The following SLC1A5 variants were observed in gnomAD, a reference collection of about 807,000 sequenced individuals.
The protein encoded by SLC1A5 is neutral amino acid transporter B(0).
A neutral mutation model predicts 34.9 loss-of-function variants in SLC1A5; 25 were observed. The observed-to-expected ratio is 0.72, with a 90% confidence interval of 0.52 to 1.00. The LOEUF (loss-of-function observed/expected upper bound fraction) is 1.00. SLC1A5 is among the 50% of genes least tolerant of loss of function. SLC1A5 has a pLI of 0.00. For missense variants in SLC1A5, 637 were observed against 740.0 expected (o/e 0.86, Z 1.61); for synonymous variants, 351 against 341.2 (o/e 1.03, Z -0.32).
At position 46,787,357 on chromosome 19, in the gene SLC1A5, T is replaced by G; in HGVS notation, c.566+43A>C. The stretch of plus-strand genomic sequence containing the variant: ...CCTGTCCACGTGACCACTCCCGCCA[T>G]CCGTAACACTCTTCCCCACCTCCCG... On this transcript the variant is annotated intron_variant, in intron 1 of 7. Transcript: ENST00000542575. This position sits in a 1 kb window ranked among gnomAD's most constrained non-coding sequence, Gnocchi z 5.2. 4 of 1,557,088 alleles carry G rather than the reference T, an allele frequency of 2.6e-6. No homozygotes were observed. Among genetic ancestry groups the G allele is most frequent in the Non-Finnish European group, 3.5e-6 (4 of 1,151,208 alleles).
chr19:46,778,353 A>G (rs988557369), intron 5 of SLC1A5, among the ~76,000 whole-genome samples: 12 of 152,122 alleles, frequency 7.9e-5, no homozygotes, highest in Non-Finnish European at 1.5e-4. Context: ...ACTTGAACCC[A>G]GGAGGCAGAG....
chr19:46,785,133 G>C (rs1311545823), intron 1 of SLC1A5, among the ~76,000 whole-genome samples: 1 of 152,134 alleles, frequency 6.6e-6, no homozygotes, highest in Non-Finnish European at 1.5e-5. Flanking sequence ...TGGAATCCCA[G>C]CACTTTGGGA....
In SLC1A5 at chr19:46,787,437, T is replaced by G. The variant is rs1167042015; in HGVS notation, c.529A>C (p.Ser177Arg). The G allele has an allele frequency of 6.2e-7, 1 of 1,602,164 alleles. No individual in the cohort carries two copies. The highest frequency in any genetic ancestry group is 8.5e-7 in the Non-Finnish European group (1 of 1,175,384). Reference protein sequence around the residue: ...GAAGSAENAPSKEVLDSFLDL... With the variant: ...GAAGSAENAPRKEVLDSFLDL... The stretch of plus-strand genomic sequence containing the variant: ...AGGAACGAATCGAGCACCTCCTTGC[T>G]GGGGGCATTTTCGGCACTGCCCGCG... Residue 177 changes from serine (S) to arginine (R), a missense_variant, in exon 1 of 8, where the codon AGC (serine) becomes CGC (arginine). Coordinates refer to ENST00000542575, the MANE Select transcript of SLC1A5 (RefSeq NM_005628.3). This position sits in a 1 kb window ranked among gnomAD's most constrained non-coding sequence, Gnocchi z 5.2.
At chr19:46,775,815 G>C (rs1300568220) in intron 7 of SLC1A5, 68 bp from the exon 8 acceptor site, 1 of 1,488,946 alleles carries the variant, frequency 6.7e-7, no homozygotes, top group Admixed American at 2.2e-5. Context: ...AAAGGGCCAA[G>C]GCCTAAGCCT....
intron 3 of SLC1A5, 26 bp downstream of exon 3, chr19:46,784,071 C>T (rs1239534304): frequency 2.5e-6 from 4 of 1,594,922 alleles, no homozygotes; most frequent in South Asian, 1.1e-5. Flanking sequence ...AGAGGTAGAG[C>T]CCCCGCTGCC....
chr19:46,785,209 T>C (rs1399178047), intron 1 of SLC1A5, among the ~76,000 whole-genome samples: 1 of 152,084 alleles, frequency 6.6e-6, no homozygotes, highest in African/African-American at 2.4e-5. Context: ...GACGAAACCG[T>C]GTCTCTACAA....
At chr19:46,784,414 G>T in intron 2 of SLC1A5, 103 bp downstream of exon 2, 1 of 1,284,410 alleles carries the variant, frequency 7.8e-7, no homozygotes. Context: ...TCATTGACAT[G>T]CATTTTTCCA....
At chr19:46,782,008 C>T (rs2055149793) in intron 4 of SLC1A5, among the ~76,000 whole-genome samples, 1 of 152,102 alleles carries the variant, frequency 6.6e-6, no homozygotes, top group African/African-American at 2.4e-5. Flanking sequence ...ATTCTCATAC[C>T]TCAGGTTCCC....
chr19:46,784,202 T>G, intron 2 of SLC1A5, 58 bp from the exon 3 acceptor site: 1 of 1,303,412 alleles, frequency 7.7e-7, no homozygotes, highest in Non-Finnish European at 1.1e-6. Flanking sequence ...CCCAACCCCA[T>G]GCCAAGCTAA....
intron 2 of SLC1A5, 102 bp downstream of exon 2, chr19:46,784,415 C>G: frequency 1.5e-6 from 2 of 1,305,078 alleles, no homozygotes; most frequent in South Asian, 2.5e-5. Flanking sequence ...CATTGACATG[C>G]ATTTTTCCAG....
intron 7 of SLC1A5, 136 bp downstream of exon 7, chr19:46,776,839 G>C (rs2055093848): frequency 1.0e-6 from 1 of 967,036 alleles, no homozygotes; most frequent in Non-Finnish European, 1.5e-6. Context: ...GAATGCTCAA[G>C]GTTCCCCCCA....
At chr19:46,784,238 A>G in intron 2 of SLC1A5, 94 bp from the exon 3 acceptor site, 1 of 981,402 alleles carries the variant, frequency 1.0e-6, no homozygotes. Context: ...GCCCTTCCAC[A>G]TCCTTTCAAT....
chr19:46,777,943 G>A (rs949481332), intron 5 of SLC1A5, among the ~76,000 whole-genome samples: 15 of 151,924 alleles, frequency 9.9e-5, no homozygotes, highest in Non-Finnish European at 2.2e-4. Context: ...GAACCCCTGG[G>A]AGAGTATAGA....
Position 46,785,736 on chromosome 19 carries a change from C to T in SLC1A5, c.567-1177G>A, listed in dbSNP as rs183073869. Among the ~76,000 whole-genome samples the T allele has an allele frequency of 1.4e-3, 207 of 152,286 alleles. 2 individuals are homozygous for T. Among genetic ancestry groups the T allele is most frequent in the African/African-American group, 4.7e-3 (194 of 41,556 alleles). ...AGGTTCAGTAGTATGGGACAGTGTC[C>T]ATGGATGGCCACCCATGCATCACGG... On this transcript the variant is annotated intron_variant, in intron 1 of 7. Transcript: ENST00000542575.
intron 5 of SLC1A5, 50 bp downstream of exon 5, chr19:46,778,625 T>C (rs1378006554): frequency 7.5e-7 from 1 of 1,340,360 alleles, no homozygotes; most frequent in Non-Finnish European, 1.0e-6. Context: ...ATCCGCTCCA[T>C]GCCGCTTAGC....
In SLC1A5 at chr19:46,784,207, A is replaced by C. The variant is rs1281394302; in HGVS notation, c.610-63T>G. The C allele has an allele frequency of 3.2e-6, 4 of 1,240,290 alleles. No homozygotes were observed. The African/African-American group carries it at 5.9e-5, about 18-fold the overall frequency. The allele number at this position is 1,240,290 out of a possible 1,614,324, so 76.8% of individuals were successfully genotyped here. On this transcript the variant is annotated intron_variant, in intron 2 of 7. Coordinates refer to ENST00000542575, the MANE Select transcript of SLC1A5 (RefSeq NM_005628.3). ...ACCAGGGCCTCCCAACCCCATGCCA[A>C]GCTAACAATGCTCAAAGCCTGCCCT...
intron 7 of SLC1A5, among the ~76,000 whole-genome samples, chr19:46,776,060 T>C (rs1354543450): frequency 6.6e-6 from 1 of 151,834 alleles, no homozygotes; most frequent in Admixed American, 6.6e-5. Context: ...CACTCCAGCC[T>C]GGGTGACAGA....
At position 46,788,127 on chromosome 19, in the gene SLC1A5, T is replaced by C. The variant is rs2055200085; in HGVS notation, c.-162A>G. The C allele has an allele frequency of 4.7e-6, 3 of 638,982 alleles. No homozygotes were observed. The highest frequency in any genetic ancestry group is 3.9e-5 in the African/African-American group (2 of 51,162). 39.6% of individuals were successfully genotyped at this position (638,982 alleles called of 1,614,324 possible). A position where few individuals can be genotyped will look rare whatever the true frequency, so the allele number is the denominator to read the frequency against. ...TGTGAGTTCACAGCACTGAAGTTCCTTGGCTCTTGGAAGCTGGAGTGTTTA... is the reference window on the plus strand; with the variant it reads ...TGTGAGTTCACAGCACTGAAGTTCCCTGGCTCTTGGAAGCTGGAGTGTTTA... On this transcript the variant is annotated 5_prime_UTR_variant, in exon 1 of 8. Transcript: ENST00000542575.
At chr19:46,783,607 G>C (rs903964473) in intron 3 of SLC1A5, among the ~76,000 whole-genome samples, 1 of 152,146 alleles carries the variant, frequency 6.6e-6, no homozygotes, top group Non-Finnish European at 1.5e-5. Context: ...GACCAGCCTG[G>C]GCAACATGGC....
Sources: gnomAD v4.1 joint callset for allele counts (sites outside exome capture counted in the v4.1 genomes callset) on GRCh38, gnomAD v4.1.1 for gene constraint, Gnocchi (gnomAD v3.1) non-coding constraint, MANE v1.5 for transcripts, NCBI Gene and HGNC (gene_info 2026-07-23, HGNC 2026-07-21) for gene names.